The following TAF4 variants were observed in gnomAD, a reference collection of about 807,000 sequenced individuals.
The protein encoded by TAF4 is transcription initiation factor TFIID subunit 4.
In TAF4, 9 loss-of-function variants were observed where a neutral mutation model predicts 90.3. The ratio of observed to expected loss-of-function variants is 0.10; its 90% confidence interval spans 0.06 to 0.17. The LOEUF (loss-of-function observed/expected upper bound fraction) is 0.17. Among genes scored for constraint, TAF4 ranks in the 10% least tolerant of loss-of-function variants. The probability of loss-of-function intolerance (pLI) is 1.00; values close to 1 mark genes in which losing one functional copy is unlikely to be tolerated. For missense variants in TAF4, 1,351 were observed against 1,370.7 expected, an observed-to-expected ratio of 0.99 and a Z score of 0.23; for synonymous variants, 818 against 638.9, an observed-to-expected ratio of 1.28 and a Z score of -4.23.
At chr20:62,064,396 G>C (rs1012823060) in intron 1 of TAF4, 55 bp downstream of exon 1, 74 of 1,276,710 alleles carry the variant, frequency 5.8e-5, no homozygotes, top group Non-Finnish European at 7.0e-5. Context: ...TCCTGGAACT[G>C]GCAGCTGGCG....
At chr20:62,011,695 CT>C (rs1173713272) in intron 3 of TAF4, among the ~76,000 whole-genome samples, 9 of 152,302 alleles carry the variant, frequency 5.9e-5, no homozygotes, top group African/African-American at 2.2e-4. Context: ...TCCACACCCC[CT>C]GGGGCTCAGC....
chr20:62,032,997 G>A (rs912720671), intron 1 of TAF4, among the ~76,000 whole-genome samples: 1 of 152,170 alleles, frequency 6.6e-6, no homozygotes, highest in Non-Finnish European at 1.5e-5. Context: ...GAAGCAGCTG[G>A]GAAATGATGG....
At chr20:62,003,081 C>G (rs1466203878) in intron 9 of TAF4, 79 bp downstream of exon 9, 1 of 1,255,736 alleles carries the variant, frequency 8.0e-7, no homozygotes, top group African/African-American at 1.5e-5. Flanking sequence ...GACCCGTGGG[C>G]GGGAATGGAG....
rs780033641 is a variant in TAF4 at position 62,009,188 on chromosome 20, A to C, written c.1762-14T>G. 8 of 1,598,346 alleles carry C rather than the reference A, an allele frequency of 5.0e-6. No homozygotes were observed. Among genetic ancestry groups the C allele is most frequent in the Non-Finnish European group, 6.8e-6 (8 of 1,174,468 alleles). ...TTCCATAGTTTCCTGGATTAAAGTA[A>C]AAAGATATAAGTGAAAAATCTTAAA... On this transcript the variant is annotated splice_polypyrimidine_tract_variant and intron_variant, in intron 4 of 14. Transcript: ENST00000252996.
chr20:62,018,489 A>G (rs2055824999), intron 1 of TAF4, among the ~76,000 whole-genome samples: 1 of 152,378 alleles, frequency 6.6e-6, no homozygotes, highest in Non-Finnish European at 1.5e-5. Flanking sequence ...CACCTGACCT[A>G]CGAAAGGCAG....
intron 14 of TAF4, among the ~76,000 whole-genome samples, chr20:61,993,441 C>A (rs543575352): frequency 2.0e-5 from 3 of 152,204 alleles, no homozygotes; most frequent in Admixed American, 2.0e-4. Flanking sequence ...CCAGGCCAAA[C>A]GACCTGGTCC....
rs1453558924 is a variant in TAF4 at position 62,065,119 on chromosome 20, G to A, written c.692C>T (p.Pro231Leu). The change falls in exon 1 of 15, where the codon CCC becomes CTC. Residue 231 changes from proline (P) to leucine (L), a missense_variant. By Grantham distance (98) the Pro-to-Leu change is moderately conservative. Transcript: ENST00000252996. ...GPAALLPLPK[P>L]AAPGTVIQTP... Reference sequence around the variant, plus strand: ...CTGGATGACAGTGCCGGGGGCGGCGGGCTTGGGCAGCGGCAGCAGCGCGGC... The same window carrying A: ...CTGGATGACAGTGCCGGGGGCGGCGAGCTTGGGCAGCGGCAGCAGCGCGGC... The A allele has an allele frequency of 2.6e-6, 3 of 1,151,650 alleles. No homozygotes were observed. Among genetic ancestry groups the A allele is most frequent in the South Asian group, 1.6e-5 (1 of 62,616 alleles). The allele number at this position is 1,151,650 out of a possible 1,614,324, so 71.3% of individuals were successfully genotyped here. A position where few individuals can be genotyped will look rare whatever the true frequency, so the allele number is the denominator to read the frequency against.
intron 1 of TAF4, among the ~76,000 whole-genome samples, chr20:62,028,614 G>T (rs1031607505): frequency 9.9e-5 from 15 of 152,172 alleles, no homozygotes; most frequent in Non-Finnish European, 8.8e-5. Flanking sequence ...ACACCTCCGT[G>T]AACAGGTACA....
At chr20:61,991,264 C>CT (rs897960219) in intron 14 of TAF4, among the ~76,000 whole-genome samples, 1 of 151,216 alleles carries the variant, frequency 6.6e-6, no homozygotes, top group African/African-American at 2.4e-5. Context: ...ACTAAAAATA[C>CT]AAAAAAATTA....
chr20:62,045,287 T>C (rs571263736), intron 1 of TAF4, among the ~76,000 whole-genome samples: 25 of 152,344 alleles, frequency 1.6e-4, no homozygotes, highest in Admixed American at 3.3e-4. Context: ...AGGTCTGGAA[T>C]GTTCTTCCCT....
At chr20:62,054,456 C>CT (rs1394104268) in intron 1 of TAF4, among the ~76,000 whole-genome samples, 2 of 152,222 alleles carry the variant, frequency 1.3e-5, no homozygotes, top group Admixed American at 1.3e-4. Flanking sequence ...CATGCTACCT[C>CT]TGCCATCGCT....
chr20:61,994,488 A>ATTTTAACC (rs1295867075), intron 14 of TAF4, among the ~76,000 whole-genome samples: 1 of 152,380 alleles, frequency 6.6e-6, no homozygotes, highest in East Asian at 1.9e-4. Context: ...TGTACCAGAC[A>ATTTTAACC]TTTTAACCTG....
intron 4 of TAF4, 151 bp from the exon 5 acceptor site, chr20:62,009,325 G>C: frequency 1.2e-6 from 1 of 836,218 alleles, no homozygotes; most frequent in Non-Finnish European, 1.8e-6. Context: ...TTGGAACCCT[G>C]GGCCATGGGG....
chr20:62,007,729 G>C, intron 5 of TAF4, 93 bp from the exon 6 acceptor site: 1 of 1,239,592 alleles, frequency 8.1e-7, no homozygotes, highest in Non-Finnish European at 1.1e-6. Context: ...TTTTACGGCT[G>C]ATTCCGCCCC....
intron 1 of TAF4, among the ~76,000 whole-genome samples, chr20:62,034,348 G>A (rs1179231546): frequency 6.6e-6 from 1 of 152,130 alleles, no homozygotes; most frequent in African/African-American, 2.4e-5. Context: ...TTTTAGACAA[G>A]GGTCTCATTC....
At chr20:61,998,331 A>C (rs1441241319) in intron 12 of TAF4, 139 bp from the exon 13 acceptor site, 1 of 857,986 alleles carries the variant, frequency 1.2e-6, no homozygotes, top group African/African-American at 1.7e-5. Flanking sequence ...AAATGCTTAT[A>C]GCCAAAGATG....
intron 1 of TAF4, among the ~76,000 whole-genome samples, chr20:62,022,284 G>C (rs2055848248): frequency 6.6e-6 from 1 of 152,202 alleles, no homozygotes; most frequent in Admixed American, 6.5e-5. Context: ...GGTGGGAAGG[G>C]TCAGGGCTGG....
chr20:62,018,075 T>C (rs768296772), intron 1 of TAF4, among the ~76,000 whole-genome samples: 10 of 152,314 alleles, frequency 6.6e-5, no homozygotes, highest in East Asian at 1.9e-4. Context: ...GAAGTGACCA[T>C]GTGACTTCAG....
chr20:61,994,656 G>C (rs1022089163), intron 14 of TAF4, among the ~76,000 whole-genome samples: 1 of 152,154 alleles, frequency 6.6e-6, no homozygotes, highest in Admixed American at 6.5e-5. Flanking sequence ...CGGAGGTCTG[G>C]GACATCCCAC....
Sources: allele counts gnomAD v4.1 joint callset (sites outside exome capture counted in the v4.1 genomes callset), GRCh38; gene constraint gnomAD v4.1.1; transcripts MANE v1.5; gene names NCBI Gene and HGNC (gene_info 2026-07-23, HGNC 2026-07-21).